Variants in DDX49 observed in about 807,000 individuals in gnomAD.
DDX49 encodes probable ATP-dependent RNA helicase DDX49.
Under a neutral mutation model 56.3 loss-of-function variants are expected in DDX49, and 50 were observed. The observed-to-expected ratio is 0.89, with a 90% CI of 0.71 to 1.12. DDX49 has a LOEUF of 1.12. Among genes scored for constraint, DDX49 ranks in the 50% most tolerant of loss-of-function variants. The pLI is 0.00. For missense variants in DDX49, 614 were observed against 650.5 expected (o/e 0.94, Z 0.61); for synonymous variants, 269 against 270.6 (o/e 0.99, Z 0.06).
At chr19:18,927,692 C>G (rs1415393828) in intron 10 of DDX49, 74 bp from the exon 11 acceptor site, 1 of 1,310,392 alleles carries the variant, frequency 7.6e-7, no homozygotes, top group African/African-American at 1.5e-5. Flanking sequence ...ATGGGGAACT[C>G]ACTACTTGGC....
rs199956408 is a variant in DDX49 at position 18,924,874 on chromosome 19, G to A, written c.930-8G>A. ...ACAGTGGAGCTGACCAGCCACCTCT[G>A]CCTCCAGGGGCCTGGACATCCCTAC... On this transcript the variant is annotated splice_polypyrimidine_tract_variant and splice_region_variant and intron_variant, in intron 8 of 12. Coordinates refer to ENST00000247003, the MANE Select transcript of DDX49 (RefSeq NM_019070.5). 8.8e-5 allele frequency: 142 copies of A among 1,612,642 alleles called. 1 individual carries two copies. The African/African-American group carries it at 1.5e-3, about 17-fold the overall frequency.
chr19:18,927,852 A>G lies in DDX49; in HGVS notation c.1189A>G (p.Ile397Val), dbSNP rs1405111508. The change falls in exon 11 of 13, where the codon ATC (isoleucine) becomes GTC (valine). Residue 397 changes from isoleucine (I) to valine (V), a missense_variant and splice_region_variant. Coordinates refer to ENST00000247003, the MANE Select transcript of DDX49 (RefSeq NM_019070.5). The stretch of plus-strand genomic sequence containing the variant: ...CAACGTGGTGCGAAGAGAGTGTGAG[A>G]TCGTGAGTGTCAGAGGCGGGCAGGA... ...QVNVVRRECE[I>V]KLEAAHFDEK... 3 of 1,613,964 alleles carry G rather than the reference A, an allele frequency of 1.9e-6. No individual in the cohort carries two copies. Among genetic ancestry groups the G allele is most frequent in the Non-Finnish European group, 1.7e-6 (2 of 1,179,996 alleles).
chr19:18,922,619 G>T lies in DDX49; in HGVS notation c.651G>T (p.Glu217Asp). ...CCATCCCCAGGGTGAGCACCGTGGA[G>T]CAGCTGGACCAGCGCTACCTGCTGG... is the stretch of plus-strand genomic sequence containing the variant. Reference protein sequence around the residue: ...WEAQAPVSTVEQLDQRYLLVP... With the variant: ...WEAQAPVSTVDQLDQRYLLVP... Residue 217 changes from glutamate to aspartate, a missense_variant, in exon 6 of 13, where the codon GAG becomes GAT. Physicochemically the swap from Glu to Asp is conservative, Grantham distance 45. Transcript: ENST00000247003. The T allele has an allele frequency of 6.2e-7, 1 of 1,613,012 alleles. No individual in the cohort carries two copies.
intron 1 of DDX49, among the ~76,000 whole-genome samples, chr19:18,920,345 G>C (rs1291232259): frequency 2.6e-5 from 4 of 152,154 alleles, no homozygotes; most frequent in African/African-American, 9.7e-5. Flanking sequence ...AACAAATGAA[G>C]GGGTCAACAG....
rs369264464 is a variant in DDX49, at chr19:18,919,899, C to T, written c.115+43C>T. 1.9e-5 allele frequency: 27 copies of T among 1,408,278 alleles called. No homozygotes were observed. The African/African-American group carries it at 2.1e-4, about 11-fold the overall frequency. 87.2% of individuals were successfully genotyped at this position (1,408,278 alleles called of 1,614,324 possible). A position where few individuals can be genotyped will look rare whatever the true frequency, so the allele number is the denominator to read the frequency against. On this transcript the variant is annotated intron_variant, in intron 1 of 12. Coordinates refer to ENST00000247003, the MANE Select transcript of DDX49 (RefSeq NM_019070.5). ...CCTTCCCCAAGAGGCCTCTCCGCTC[C>T]TCTCGACTCCTTTCCCTTCTCGCAA...
chr19:18,922,979 T>C (rs2056931897), intron 6 of DDX49, among the ~76,000 whole-genome samples: 1 of 152,222 alleles, frequency 6.6e-6, no homozygotes, highest in Non-Finnish European at 1.5e-5. Flanking sequence ...AAGCAGCTGT[T>C]TGAGCAGCCC....
chr19:18,921,439 G>A (rs1462433225), intron 2 of DDX49, among the ~76,000 whole-genome samples: 1 of 152,224 alleles, frequency 6.6e-6, no homozygotes, highest in African/African-American at 2.4e-5. Context: ...GAGATGCTGA[G>A]GTCAGCTTGG....
At chr19:18,922,829 C>A in intron 6 of DDX49, 85 bp downstream of exon 6, 1 of 1,507,426 alleles carries the variant, frequency 6.6e-7, no homozygotes, top group Non-Finnish European at 9.0e-7. Context: ...CACAGCCAGT[C>A]TCAGCACTCC....
intron 5 of DDX49, 26 bp downstream of exon 5, chr19:18,922,539 G>T: frequency 6.3e-7 from 1 of 1,597,972 alleles, no homozygotes. Flanking sequence ...AGACAGCGTG[G>T]GGAGGGCAGC....
Position 18,927,854 on chromosome 19 carries a change from C to T in DDX49, c.1191C>T (p.Ile397=). ...QVNVVRRECE[I]KLEAAHFDEK... is the part of the protein sequence containing the mutation. ...ACGTGGTGCGAAGAGAGTGTGAGATCGTGAGTGTCAGAGGCGGGCAGGAAC... is the reference window on the plus strand; with the variant it reads ...ACGTGGTGCGAAGAGAGTGTGAGATTGTGAGTGTCAGAGGCGGGCAGGAAC... The change falls in exon 11 of 13, where the codon ATC becomes ATT. Residue 397 remains isoleucine, a splice_region_variant and synonymous_variant. Transcript: ENST00000247003. 5 of 1,613,920 alleles carry T rather than the reference C, an allele frequency of 3.1e-6. No homozygotes were observed. The highest frequency in any genetic ancestry group is 1.6e-4 in the Middle Eastern group (1 of 6,062).
At chr19:18,923,446 C>G (rs897569184) in intron 6 of DDX49, among the ~76,000 whole-genome samples, 3 of 152,206 alleles carry the variant, frequency 2.0e-5, no homozygotes, top group South Asian at 2.1e-4. Flanking sequence ...CACTTGAACC[C>G]GGTAGGTGGA....
intron 10 of DDX49, 144 bp downstream of exon 10, chr19:18,926,521 A>C: frequency 1.2e-6 from 1 of 839,478 alleles, no homozygotes; most frequent in Admixed American, 2.6e-5. Flanking sequence ...TTCCCTAGGC[A>C]CCCCCAAAAG....
In DDX49 at chr19:18,928,214, G is replaced by A. The variant is rs1044358975; in HGVS notation, c.1350G>A (p.Thr450=). 2.5e-6 allele frequency: 4 copies of A among 1,586,612 alleles called. No homozygotes were observed. The highest frequency in any genetic ancestry group is 3.3e-4 in the Middle Eastern group (2 of 6,018). The change falls in exon 13 of 13, where the codon ACG becomes ACA. Residue 450 remains threonine, a synonymous_variant. Transcript: ENST00000247003. ...GCTTCAAGGAGAAGGTGGAGGAGAC[G>A]CTGAAGCGACAGAAGGCTGGCAGGG... is the stretch of plus-strand genomic sequence containing the variant. ...NRRFKEKVEE[T]LKRQKAGRAG...
chr19:18,927,805 T>A lies in DDX49; in HGVS notation c.1142T>A (p.Val381Glu). 1.2e-6 allele frequency: 2 copies of A among 1,612,560 alleles called. No homozygotes were observed. Among genetic ancestry groups the A allele is most frequent in the South Asian group, 2.2e-5 (2 of 90,930 alleles). ...GAGTTCTCCGTGGAAGAGGCCGAGG[T>A]GCTACAGATCCTCACACAGGTCAAC... ...LEEFSVEEAE[V>E]LQILTQVNVV... The change falls in exon 11 of 13, where the codon GTG (valine) becomes GAG (glutamate). Residue 381 changes from valine (V) to glutamate (E), a missense_variant. Coordinates refer to ENST00000247003, the MANE Select transcript of DDX49 (RefSeq NM_019070.5).
chr19:18,919,769 T>C lies in DDX49; in HGVS notation c.28T>C (p.Ser10Pro), dbSNP rs1212158969. Residue 10 changes from serine (S) to proline (P), a missense_variant, in exon 1 of 13, where the codon TCA becomes CCA. Physicochemically the swap from Ser to Pro is moderately conservative, Grantham distance 74. Transcript: ENST00000247003. MAGFAELGL[S>P]SWLVEQCRQL... The stretch of plus-strand genomic sequence containing the variant: ...GGCAGGCTTCGCGGAGCTCGGGCTG[T>C]CATCGTGGCTCGTGGAACAATGTCG... The C allele has an allele frequency of 6.2e-7, 1 of 1,612,092 alleles. No homozygotes were observed.
intron 6 of DDX49, among the ~76,000 whole-genome samples, chr19:18,923,095 G>C (rs896969472): frequency 2.6e-5 from 4 of 152,130 alleles, no homozygotes; most frequent in Non-Finnish European, 5.9e-5. Flanking sequence ...CACAGACAGA[G>C]ACCCCTGGGG....
In DDX49 at chr19:18,924,818, G is replaced by C. The variant is rs1177333467; in HGVS notation, c.930-64G>C. The C allele has an allele frequency of 2.5e-6, 4 of 1,612,292 alleles. No individual in the cohort carries two copies. The African/African-American group carries it at 4.0e-5, about 16-fold the overall frequency. On this transcript the variant is annotated intron_variant, in intron 8 of 12. Transcript: ENST00000247003. ...CTAGCATCCCTGCTGAGTGACCCTG[G>C]GTGAGTCCTTGCCTCGGTTTCCCCA...
Position 18,922,663 on chromosome 19 carries a change from A to G in DDX49, c.695A>G (p.Asp232Gly). 1 of 1,614,050 alleles carries G rather than the reference A, an allele frequency of 6.2e-7. No individual in the cohort carries two copies. Among genetic ancestry groups the G allele is most frequent in the Non-Finnish European group, 8.5e-7 (1 of 1,180,038 alleles). ...CTGCTGGTGCCTGAGAAGGTCAAGG[A>G]CGCCTACCTGGTCCACCTGATCCAG... ...RYLLVPEKVK[D>G]AYLVHLIQRF... is the part of the protein sequence containing the mutation. Residue 232 changes from aspartate (D) to glycine (G), a missense_variant, in exon 6 of 13, where the codon GAC (aspartate) becomes GGC (glycine). By Grantham distance (94) the Asp-to-Gly change is moderately conservative. Coordinates refer to ENST00000247003, the MANE Select transcript of DDX49 (RefSeq NM_019070.5).
intron 1 of DDX49, among the ~76,000 whole-genome samples, chr19:18,920,332 A>C (rs901460322): frequency 6.6e-6 from 1 of 152,220 alleles, no homozygotes; most frequent in African/African-American, 2.4e-5. Flanking sequence ...CAGGGATTAA[A>C]TAAACAAATG....
Sources: gnomAD v4.1 joint callset for allele counts (sites outside exome capture counted in the v4.1 genomes callset) on GRCh38, gnomAD v4.1.1 for gene constraint, MANE v1.5 for transcripts, NCBI Gene and HGNC (gene_info 2026-07-23, HGNC 2026-07-21) for gene names.